Variants in MLC1 observed in about 807,000 individuals in gnomAD.
The protein encoded by MLC1 is membrane protein MLC1.
In MLC1, 32 loss-of-function variants were observed where a neutral mutation model predicts 44.7. That is an observed-to-expected ratio of 0.72 (90% CI 0.54 to 0.96). MLC1 has a LOEUF of 0.96. MLC1 is among the 40% of genes least tolerant of loss of function. MLC1 has a pLI of 0.00. For synonymous variants in MLC1, 190 were observed against 213.0 expected (o/e 0.89, Z 0.94); for missense variants, 459 against 492.2 (o/e 0.93, Z 0.64).
At chr22:50,063,490 A>AAC (rs200635482) in intron 11 of MLC1, among the ~76,000 whole-genome samples, 5 of 149,942 alleles carry the variant, frequency 3.3e-5, no homozygotes, top group South Asian at 2.1e-4. Flanking sequence ...AAAAAAAAAA[A>AAC]GAAAAGAAAG....
chr22:50,082,208 C>T (rs12484543), intron 3 of MLC1, among the ~76,000 whole-genome samples: 6 of 93,124 alleles, frequency 6.4e-5, no homozygotes, highest in African/African-American at 1.7e-4. Context: ...ATGGGGTCCG[C>T]GGCTTGCGGG....
In MLC1 at chr22:50,084,723, C is replaced by T; in HGVS notation, c.177+3G>A. On this transcript the variant is annotated splice_donor_region_variant and intron_variant, in intron 2 of 11. Transcript: ENST00000311597. ...TCCAAGGGCTTAGTGTGGAGCTACT[C>T]ACCCCCATCAGCACAGAGAAGACCC... 1 of 1,613,884 alleles carries T rather than the reference C, an allele frequency of 6.2e-7. No homozygotes were observed. Among genetic ancestry groups the T allele is most frequent in the Non-Finnish European group, 8.5e-7 (1 of 1,179,954 alleles).
intron 9 of MLC1, among the ~76,000 whole-genome samples, chr22:50,069,240 C>A (rs375767589): frequency 3.3e-5 from 5 of 150,992 alleles, no homozygotes; most frequent in African/African-American, 9.7e-5. Context: ...TATTGTCAGG[C>A]TGGTCTTCAA....
At position 50,077,433 on chromosome 22, in the gene MLC1, G is replaced by T; in HGVS notation, c.493C>A (p.Arg165=). 1 of 1,613,882 alleles carries T rather than the reference G, an allele frequency of 6.2e-7. No individual in the cohort carries two copies. Among genetic ancestry groups the T allele is most frequent in the Non-Finnish European group, 8.5e-7 (1 of 1,179,998 alleles). Residue 165 remains arginine, a synonymous_variant, in exon 6 of 12, where the codon CGG becomes AGG. Transcript: ENST00000311597. The part of the protein sequence containing the change: ...LMAATVIIAA[R]SSEEDCKKKK... ...TTCTTGCAGTCCTCCTCGCTGGACC[G>T]TGCAGCGATGATCACCGTGGCCGCC... is the stretch of plus-strand genomic sequence containing the variant.
At chr22:50,063,113 G>A (rs2061606306) in intron 11 of MLC1, among the ~76,000 whole-genome samples, 1 of 152,176 alleles carries the variant, frequency 6.6e-6, no homozygotes, top group Non-Finnish European at 1.5e-5. Flanking sequence ...AAATCTGAAA[G>A]CATTAAGTCC....
At chr22:50,063,907 TGGGCACCCCTGTGGGCCACTCACCTCC>T in intron 11 of MLC1, 100 bp downstream of exon 11, 1 of 519,016 alleles carries the variant, frequency 1.9e-6, no homozygotes, top group Non-Finnish European at 2.6e-6. Flanking sequence ...CCTCCCCGGC[TGGGCACCCCTGTGGGCCACTCACCTCC>T]CCAGCTTCCC....
At position 50,084,963 on chromosome 22, in the gene MLC1, T is replaced by C; in HGVS notation, c.-59-2A>G. ...AGCCACGTGTCACCAGTTCTTTATC[T>C]GGAATAAAATTATCATCGGCTTTGG... is the stretch of plus-strand genomic sequence containing the variant. On this transcript the variant is annotated splice_acceptor_variant, in intron 1 of 11. Transcript: ENST00000311597. LOFTEE classifies it low-confidence loss of function (5UTR_SPLICE). 1 of 1,596,804 alleles carries C rather than the reference T, an allele frequency of 6.3e-7. No homozygotes were observed. The highest frequency in any genetic ancestry group is 8.5e-7 in the Non-Finnish European group (1 of 1,177,016).
At chr22:50,077,530 C>G in intron 5 of MLC1, 28 bp from the exon 6 acceptor site, 1 of 1,579,426 alleles carries the variant, frequency 6.3e-7, no homozygotes. Context: ...CGCTTCAGCA[C>G]CGGGCCCGCC....
intron 10 of MLC1, among the ~76,000 whole-genome samples, chr22:50,066,396 A>G (rs1238253938): frequency 6.6e-6 from 1 of 152,234 alleles, no homozygotes; most frequent in Non-Finnish European, 1.5e-5. Context: ...ACGGTGGCTC[A>G]CGTCTGTAAT....
At chr22:50,068,676 T>A in intron 9 of MLC1, 121 bp from the exon 10 acceptor site, 2 of 1,140,464 alleles carry the variant, frequency 1.8e-6, no homozygotes, top group Non-Finnish European at 2.6e-6. Context: ...CCCAAGCTGG[T>A]TCCCTGCATG....
chr22:50,082,230 TGGGGTGCGC>T (rs2062162854), intron 3 of MLC1, among the ~76,000 whole-genome samples: 5 of 90,380 alleles, frequency 5.5e-5, no homozygotes, highest in African/African-American at 1.4e-4. Flanking sequence ...CAGAGGGGCA[TGGGGTGCGC>T]GGCTTGCGGG....
chr22:50,085,157 G>T, intron 1 of MLC1, 196 bp from the exon 2 acceptor site: 1 of 1,366,736 alleles, frequency 7.3e-7, no homozygotes. Flanking sequence ...TCTGGGTTCA[G>T]GGTGAGATTC....
chr22:50,078,980 G>A (rs1169602684), intron 5 of MLC1, among the ~76,000 whole-genome samples: 4 of 151,880 alleles, frequency 2.6e-5, no homozygotes, highest in East Asian at 1.9e-4. Flanking sequence ...TCTGCTCTCC[G>A]TCTTAATAAA....
chr22:50,083,246 T>C lies in MLC1; in HGVS notation c.178-73A>G. 3 of 1,349,484 alleles carry C rather than the reference T, an allele frequency of 2.2e-6. No homozygotes were observed. Among genetic ancestry groups the C allele is most frequent in the Non-Finnish European group, 3.2e-6 (3 of 944,490 alleles). The allele number at this position is 1,349,484 out of a possible 1,614,324, so 83.6% of individuals were successfully genotyped here. A position where few individuals can be genotyped will look rare whatever the true frequency, so the allele number is the denominator to read the frequency against. The stretch of plus-strand genomic sequence containing the variant: ...GGCTGGACCCTGACCCTTCAACTTC[T>C]GCTTCACTGTCTGTGTATTGGTGAC... On this transcript the variant is annotated intron_variant, in intron 2 of 11. Coordinates refer to ENST00000311597, the MANE Select transcript of MLC1 (RefSeq NM_015166.4). The surrounding 1 kb of genome is among the most constrained non-coding windows in gnomAD (Gnocchi z 4.6).
At chr22:50,079,822 A>T in intron 5 of MLC1, 96 bp downstream of exon 5, 1 of 910,150 alleles carries the variant, frequency 1.1e-6, no homozygotes, top group Non-Finnish European at 1.8e-6. Context: ...AATAACATTT[A>T]CCACCTATTT....
chr22:50,084,766 CA>C lies in MLC1; in HGVS notation c.136del (p.Cys46AlafsTer12), dbSNP rs1057516766. ...DLQLSKRLPPCFSHKTWVFSV... is the reference protein window; with the variant it reads ...DLQLSKRLPPXFSHKTWVFSV... ...GAAGACCCACGTCTTGTGGCTGAAG[CA>C]GGGGGGCAGTCTCTTCGACAGCTGC... On this transcript the variant is annotated frameshift_variant, in exon 2 of 12. Transcript: ENST00000311597. LOFTEE classifies it high-confidence loss of function. 4.3e-6 allele frequency: 7 copies of C among 1,613,992 alleles called. No homozygotes were observed. The highest frequency in any genetic ancestry group is 2.7e-5 in the African/African-American group (2 of 74,944).
intron 3 of MLC1, among the ~76,000 whole-genome samples, chr22:50,081,686 T>A (rs2062145800): frequency 6.6e-6 from 1 of 152,160 alleles, no homozygotes; most frequent in African/African-American, 2.4e-5. Context: ...AGAAGCCCCG[T>A]CGGGGCCTGA....
Position 50,085,064 on chromosome 22 carries a change from G to A in MLC1, c.-59-103C>T, listed in dbSNP as rs1253598121. 6.0e-5 allele frequency: 87 copies of A among 1,449,894 alleles called. 2 individuals are homozygous for A. In the South Asian group the frequency reaches 9.1e-4, roughly 15 times the overall value. 89.8% of individuals were successfully genotyped at this position (1,449,894 alleles called of 1,614,324 possible). ...AAAGAAATATTGTTCATACTGAAGT[G>A]CTCTAAATTTGAAGAAGAAAATGAG... On this transcript the variant is annotated intron_variant, in intron 1 of 11. Transcript: ENST00000311597.
intron 5 of MLC1, among the ~76,000 whole-genome samples, chr22:50,079,340 T>A (rs1000083571): frequency 1.3e-5 from 2 of 151,630 alleles, no homozygotes; most frequent in Non-Finnish European, 2.9e-5. Context: ...TGGGTCCTCC[T>A]GTGTCTGCTC....
Sources: gnomAD v4.1 joint callset for allele counts (sites outside exome capture counted in the v4.1 genomes callset) on GRCh38, gnomAD v4.1.1 for gene constraint, Gnocchi (gnomAD v3.1) non-coding constraint, MANE v1.5 for transcripts, NCBI Gene and HGNC (gene_info 2026-07-23, HGNC 2026-07-21) for gene names.